DGKB: variants seen among roughly 807,000 people sequenced by gnomAD.
DGKB encodes 90 kDa diacylglycerol kinase.
A neutral mutation model predicts 114.3 loss-of-function variants in DGKB; 67 were observed. The ratio of observed to expected loss-of-function variants is 0.59; its 90% CI spans 0.48 to 0.72. DGKB has a LOEUF of 0.72. Among genes scored for constraint, DGKB ranks in the 30% least tolerant of loss-of-function variants. The probability of loss-of-function intolerance (pLI) is 0.00; values close to 1 mark genes in which losing one functional copy is unlikely to be tolerated. For missense variants in DGKB, 907 were observed against 975.2 expected, an observed-to-expected ratio of 0.93 and a Z score of 0.93; for synonymous variants, 398 against 323.1, an observed-to-expected ratio of 1.23 and a Z score of -2.49.
At chr7:14,708,399 T>C (rs1234157659) in intron 6 of DGKB, among the ~76,000 whole-genome samples, 15 of 129,532 alleles carry the variant, frequency 1.2e-4, no homozygotes, top group African/African-American at 4.8e-4. Flanking sequence ...CCAAGGTAAT[T>C]TACAGATTCA....
intron 20 of DGKB, among the ~76,000 whole-genome samples, chr7:14,508,514 T>A (rs938208789): frequency 1.3e-5 from 2 of 152,186 alleles, no homozygotes; most frequent in Non-Finnish European, 2.9e-5. Context: ...AAACATTTTA[T>A]TGAGAAAAGA....
intron 1 of DGKB, among the ~76,000 whole-genome samples, chr7:14,927,593 TTAAAA>T (rs1394133761): frequency 1.3e-5 from 2 of 150,530 alleles, no homozygotes; most frequent in Admixed American, 6.7e-5. Context: ...TCAAAAAATA[TTAAAA>T]TAAAGGTTGA....
At chr7:14,296,770 T>G (rs1205742321) in intron 23 of DGKB, among the ~76,000 whole-genome samples, 5 of 149,594 alleles carry the variant, frequency 3.3e-5, no homozygotes, top group Non-Finnish European at 7.4e-5. Context: ...GTTTTTTTTT[T>G]TTTTTTTTTT....
intron 20 of DGKB, among the ~76,000 whole-genome samples, chr7:14,491,202 G>A (rs1784550118): frequency 6.6e-6 from 1 of 152,006 alleles, no homozygotes; most frequent in Admixed American, 6.6e-5. Flanking sequence ...GAGCAGATGG[G>A]AGATAATTTA....
At chr7:14,407,631 T>C (rs997834873) in intron 21 of DGKB, among the ~76,000 whole-genome samples, 3 of 152,144 alleles carry the variant, frequency 2.0e-5, no homozygotes, top group Non-Finnish European at 2.9e-5. Flanking sequence ...AAACAATTCA[T>C]GTTTTATTAA....
Position 14,483,450 on chromosome 7 carries a change from A to C in DGKB, c.1771-5225T>G, listed in dbSNP as rs188451746. On this transcript the variant is annotated intron_variant, in intron 20 of 25. Coordinates refer to ENST00000402815, the MANE Select transcript of DGKB (RefSeq NM_001350709.2). ...GAGACTTGGAGCTGAAGATATTTAGATCAGATTTTCTACTTAAGTTGATGA... is the reference window on the plus strand; with the variant it reads ...GAGACTTGGAGCTGAAGATATTTAGCTCAGATTTTCTACTTAAGTTGATGA... Among the ~76,000 whole-genome samples the C allele has an allele frequency of 4.2e-3, 640 of 152,270 alleles. 5 individuals are homozygous for C. The highest frequency in any genetic ancestry group is 0.015 in the African/African-American group (621 of 41,560).
intron 23 of DGKB, among the ~76,000 whole-genome samples, chr7:14,194,387 A>T (rs892305564): frequency 6.6e-6 from 1 of 152,214 alleles, no homozygotes; most frequent in African/African-American, 2.4e-5. Context: ...AAATCCTGTC[A>T]TTTGTGACAA....
chr7:14,418,346 T>C (rs10257527), intron 21 of DGKB, among the ~76,000 whole-genome samples: 34,817 of 135,256 alleles, frequency 0.26, 4,958 homozygotes, highest in East Asian at 0.47. Context: ...TACACACACA[T>C]ATATTCACAT....
intron 12 of DGKB, among the ~76,000 whole-genome samples, chr7:14,679,068 G>A (rs1048806342): frequency 1.3e-5 from 2 of 151,902 alleles, no homozygotes; most frequent in African/African-American, 4.8e-5. Flanking sequence ...AGGACCACAG[G>A]ATTCTGGATG....
intron 21 of DGKB, among the ~76,000 whole-genome samples, chr7:14,348,428 C>G (rs921014215): frequency 6.6e-6 from 1 of 151,146 alleles, no homozygotes. Context: ...TAAAAGCAAC[C>G]CAAACAATTT....
At chr7:14,393,268 C>T (rs1158306884) in intron 21 of DGKB, among the ~76,000 whole-genome samples, 1 of 151,826 alleles carries the variant, frequency 6.6e-6, no homozygotes, top group Non-Finnish European at 1.5e-5. Flanking sequence ...GGATTACAGG[C>T]GTGAGCCACC....
intron 23 of DGKB, among the ~76,000 whole-genome samples, chr7:14,237,458 T>C (rs555374096): frequency 6.6e-6 from 1 of 151,982 alleles, no homozygotes; most frequent in Admixed American, 6.6e-5. Context: ...TTTAATGTAG[T>C]GTGTTCAATC....
At chr7:14,240,842 T>G (rs567926000) in intron 23 of DGKB, among the ~76,000 whole-genome samples, 1 of 152,244 alleles carries the variant, frequency 6.6e-6, no homozygotes, top group African/African-American at 2.4e-5. Context: ...TATTAAAATA[T>G]ATATATTTAA....
chr7:14,470,386 G>GA (rs891028159), intron 21 of DGKB, among the ~76,000 whole-genome samples: 41 of 151,860 alleles, frequency 2.7e-4, no homozygotes, highest in Non-Finnish European at 5.3e-4. Flanking sequence ...ATTTTTAAAT[G>GA]AAAAAAATTC....
intron 21 of DGKB, among the ~76,000 whole-genome samples, chr7:14,373,966 T>G (rs1336127907): frequency 6.6e-6 from 1 of 152,126 alleles, no homozygotes; most frequent in East Asian, 1.9e-4. Flanking sequence ...ATCTGCCAAT[T>G]TAATTCTCAT....
chr7:14,153,559 G>C (rs961004319), intron 25 of DGKB, among the ~76,000 whole-genome samples: 26 of 152,022 alleles, frequency 1.7e-4, no homozygotes, highest in Admixed American at 1.4e-3. Context: ...GGGTTTGATA[G>C]TTGACTCTCA....
At chr7:14,429,159 A>G (rs937860960) in intron 21 of DGKB, among the ~76,000 whole-genome samples, 1 of 152,094 alleles carries the variant, frequency 6.6e-6, no homozygotes, top group Non-Finnish European at 1.5e-5. Flanking sequence ...ATTTTCATAG[A>G]CTGAATGTTT....
intron 1 of DGKB, among the ~76,000 whole-genome samples, chr7:14,861,679 C>G (rs902518394): frequency 6.6e-6 from 1 of 151,804 alleles, no homozygotes; most frequent in Non-Finnish European, 1.5e-5. Context: ...CCTATTATGG[C>G]CTGGCCTGTT....
intron 23 of DGKB, among the ~76,000 whole-genome samples, chr7:14,245,068 T>A (rs75471221): frequency 0.03 from 4,529 of 152,136 alleles, 202 homozygotes; most frequent in African/African-American, 0.1. Context: ...GGAAGGAAAA[T>A]TGAGATTCAT....
Sources: allele counts gnomAD v4.1 joint callset (sites outside exome capture counted in the v4.1 genomes callset), GRCh38; gene constraint gnomAD v4.1.1; transcripts MANE v1.5; gene names NCBI Gene and HGNC (gene_info 2026-07-23, HGNC 2026-07-21).